SLC35D1: variants seen among roughly 807,000 people sequenced by gnomAD.
The protein encoded by SLC35D1 is solute carrier family 35 member D1.
Under a neutral mutation model 46.7 loss-of-function variants are expected in SLC35D1, and 31 were observed. That is an observed-to-expected ratio of 0.66 (90% CI 0.50 to 0.90). SLC35D1 has a LOEUF of 0.90. Among genes scored for constraint, SLC35D1 ranks in the 40% least tolerant of loss-of-function variants. SLC35D1 has a pLI of 0.00. For synonymous variants in SLC35D1, 195 were observed against 164.6 expected (o/e 1.18, Z -1.41); for missense variants, 397 against 426.2 (o/e 0.93, Z 0.60).
intron 8 of SLC35D1, among the ~76,000 whole-genome samples, chr1:67,027,500 C>T (rs376587240): frequency 1.2e-4 from 18 of 152,228 alleles, no homozygotes; most frequent in East Asian, 9.7e-4. Flanking sequence ...CCGTGAACTC[C>T]TGACCTCAAG....
chr1:67,037,654 AT>A (rs905495601), intron 8 of SLC35D1, among the ~76,000 whole-genome samples: 2 of 152,226 alleles, frequency 1.3e-5, no homozygotes, highest in African/African-American at 4.8e-5. Context: ...TGAGGCAACC[AT>A]TCCCCATTTC....
chr1:66,993,635 T>C, the SLC35D1 span, among the ~76,000 whole-genome samples: 10 of 152,200 alleles, frequency 6.6e-5, no homozygotes, highest in African/African-American at 2.4e-4. Context: ...AAGGCAAATT[T>C]ATATTCTAAG....
At chr1:66,984,698 A>G in the SLC35D1 span, 1 of 1,614,074 alleles carries the variant, frequency 6.2e-7, no homozygotes, top group Non-Finnish European at 8.5e-7. Flanking sequence ...ACTAATGGTT[A>G]TGAAACAGAT....
chr1:66,982,968 G>C, the SLC35D1 span, among the ~76,000 whole-genome samples: 1 of 152,218 alleles, frequency 6.6e-6, no homozygotes, highest in Non-Finnish European at 1.5e-5. Flanking sequence ...AAGGGAGGCA[G>C]ACAGTTGGTA....
the SLC35D1 span, among the ~76,000 whole-genome samples, chr1:66,989,633 T>C: frequency 6.6e-6 from 1 of 152,146 alleles, no homozygotes; most frequent in Non-Finnish European, 1.5e-5. Flanking sequence ...TCAGCTAATT[T>C]TTTTTATTAT....
At chr1:67,042,460 G>T in intron 7 of SLC35D1, 132 bp from the exon 8 acceptor site, 1 of 812,308 alleles carries the variant, frequency 1.2e-6, no homozygotes, top group Non-Finnish European at 2.1e-6. Flanking sequence ...CACAGCAAAT[G>T]AATTAAGTTA....
At chr1:67,024,531 T>C (rs897999883) in intron 8 of SLC35D1, among the ~76,000 whole-genome samples, 2 of 152,212 alleles carry the variant, frequency 1.3e-5, no homozygotes, top group African/African-American at 4.8e-5. Flanking sequence ...CTCACAGTTC[T>C]GGAGGGTAGA....
chr1:66,975,971 C>A, the SLC35D1 span, among the ~76,000 whole-genome samples: 1 of 149,884 alleles, frequency 6.7e-6, no homozygotes, highest in Non-Finnish European at 1.5e-5. Flanking sequence ...AACATGAATG[C>A]CACTTCCAGG....
At chr1:66,996,419 TAAGAG>T (rs1195753685), downstream of SLC35D1, among the ~76,000 whole-genome samples, 1 of 152,194 alleles carries the variant, frequency 6.6e-6, no homozygotes, top group Non-Finnish European at 1.5e-5. Flanking sequence ...CAGACAGACT[TAAGAG>T]AAACGAGAAC....
chr1:67,023,320 T>C (rs115050422), intron 8 of SLC35D1, among the ~76,000 whole-genome samples: 6,855 of 152,296 alleles, frequency 0.045, 252 homozygotes, highest in East Asian at 0.075. Context: ...CACTGATCTA[T>C]ATTCTCACCA....
chr1:67,042,490 G>C (rs1645200993), intron 7 of SLC35D1, among the ~76,000 whole-genome samples, 162 bp from the exon 8 acceptor site: 1 of 152,038 alleles, frequency 6.6e-6, no homozygotes. Context: ...CAAACATTAA[G>C]AAATAATCTA....
the SLC35D1 span, among the ~76,000 whole-genome samples, chr1:66,989,419 AGAT>A: frequency 6.6e-6 from 1 of 152,262 alleles, no homozygotes; most frequent in Non-Finnish European, 1.5e-5. Flanking sequence ...CAGCAAAGTT[AGAT>A]GATCCCTGAA....
intron 7 of SLC35D1, among the ~76,000 whole-genome samples, chr1:67,043,956 G>A (rs1309064843): frequency 6.6e-6 from 1 of 152,182 alleles, no homozygotes; most frequent in African/African-American, 2.4e-5. Flanking sequence ...TCCTGCGATT[G>A]AAAGATTACT....
chr1:67,029,600 A>G (rs2755250), intron 8 of SLC35D1, among the ~76,000 whole-genome samples: 118,468 of 152,130 alleles, frequency 0.78, 46,445 homozygotes, highest in South Asian at 0.88. Flanking sequence ...TAGTGGCAGT[A>G]GATTAAACAT....
intron 1 of SLC35D1, 87 bp downstream of exon 1, chr1:67,053,724 G>A: frequency 1.6e-6 from 2 of 1,244,698 alleles, no homozygotes; most frequent in Non-Finnish European, 2.1e-6. Flanking sequence ...TTTAACTTTG[G>A]CAGTCAAAGT....
chr1:67,003,832 T>C lies in SLC35D1; in HGVS notation c.*508A>G, dbSNP rs1316579737. 1.1e-5 allele frequency: 2 copies of C among 175,034 alleles called. No individual in the cohort carries two copies. The highest frequency in any genetic ancestry group is 5.5e-5 in the Admixed American group (1 of 18,258). 10.8% of individuals were successfully genotyped at this position (175,034 alleles called of 1,614,324 possible). A position where few individuals can be genotyped will look rare whatever the true frequency, so the allele number is the denominator to read the frequency against. Reference sequence around the variant, plus strand: ...TTTTATAGTGCCAAAGTTGTTTTCCTTGGCAAATGGAATGATGATATGATG... The same window carrying C: ...TTTTATAGTGCCAAAGTTGTTTTCCCTGGCAAATGGAATGATGATATGATG... On this transcript the variant is annotated 3_prime_UTR_variant, in exon 12 of 12. Coordinates refer to ENST00000235345, the MANE Select transcript of SLC35D1 (RefSeq NM_015139.3).
chr1:66,986,056 GA>G, the SLC35D1 span: 1 of 1,014,362 alleles, frequency 9.9e-7, no homozygotes, highest in Non-Finnish European at 1.2e-6. Flanking sequence ...ATAAACAGAG[GA>G]GGGGGGTCAA....
chr1:67,052,786 T>G lies in SLC35D1; in HGVS notation c.309A>C (p.Arg103Ser). Reference protein sequence around the residue: ...LRVVKFPDLDRNVPRKTFPLP... With the variant: ...LRVVKFPDLDSNVPRKTFPLP... ...CTTCTTTTACCTTTCGAGGTACATT[T>G]CTGTCAAGGTCAGGAAACTTGACTA... The change falls in exon 3 of 12, where the codon AGA becomes AGC. Residue 103 changes from arginine to serine, a missense_variant. Physicochemically the swap from Arg to Ser is moderately radical, Grantham distance 110. Transcript: ENST00000235345. The G allele has an allele frequency of 6.2e-7, 1 of 1,614,188 alleles. No homozygotes were observed. The highest frequency in any genetic ancestry group is 8.5e-7 in the Non-Finnish European group (1 of 1,180,002).
downstream of SLC35D1, among the ~76,000 whole-genome samples, chr1:66,998,173 A>T (rs1667263931): frequency 6.6e-6 from 1 of 152,132 alleles, no homozygotes; most frequent in South Asian, 2.1e-4. Context: ...TTCACTTCTG[A>T]GTATATACCC....
Sources: gnomAD v4.1 joint callset for allele counts (sites outside exome capture counted in the v4.1 genomes callset) on GRCh38, gnomAD v4.1.1 for gene constraint, MANE v1.5 for transcripts, NCBI Gene and HGNC (gene_info 2026-07-23, HGNC 2026-07-21) for gene names.